HS6ST3: variants seen among roughly 807,000 people sequenced by gnomAD.
HS6ST3 encodes the protein heparan sulfate 6-O-sulfotransferase 3, also known as heparan-sulfate 6-O-sulfotransferase 3.
HS6ST3 carries 12 observed loss-of-function variants against 36.7 expected under a neutral mutation model. The ratio of observed to expected loss-of-function variants is 0.33; its 90% CI spans 0.21 to 0.53. HS6ST3 has a LOEUF of 0.53. HS6ST3 is among the 20% of genes least tolerant of loss of function. HS6ST3 has a pLI of 0.95. For missense variants in HS6ST3, 584 were observed against 640.9 expected (o/e 0.91, Z 0.96); for synonymous variants, 240 against 257.5 (o/e 0.93, Z 0.65).
intron 1 of HS6ST3, among the ~76,000 whole-genome samples, chr13:96,172,018 A>G (rs1245681247): frequency 1.3e-5 from 2 of 152,206 alleles, no homozygotes; most frequent in Non-Finnish European, 1.5e-5. Context: ...GCCCTGCACA[A>G]CTTCACAAAC....
intron 1 of HS6ST3, among the ~76,000 whole-genome samples, chr13:96,686,057 C>T (rs1038412737): frequency 5.9e-5 from 9 of 151,962 alleles, no homozygotes; most frequent in African/African-American, 1.7e-4. Context: ...CCACTGGAAA[C>T]GTAACCCATC....
intron 1 of HS6ST3, among the ~76,000 whole-genome samples, chr13:96,465,547 T>C (rs2055808189): frequency 6.6e-6 from 1 of 152,062 alleles, no homozygotes; most frequent in African/African-American, 2.4e-5. Context: ...TTTAAATACA[T>C]TACTTAAGGA....
At chr13:96,094,396 C>T (rs2053780017) in intron 1 of HS6ST3, among the ~76,000 whole-genome samples, 2 of 152,090 alleles carry the variant, frequency 1.3e-5, no homozygotes, top group African/African-American at 4.8e-5. Flanking sequence ...CCATGAGGTC[C>T]GTTTCTTAGA....
chr13:96,479,855 T>G (rs2055881856), intron 1 of HS6ST3, among the ~76,000 whole-genome samples: 1 of 152,104 alleles, frequency 6.6e-6, no homozygotes, highest in Non-Finnish European at 1.5e-5. Flanking sequence ...ACCTTCATCT[T>G]AGTAGGAGAA....
intron 1 of HS6ST3, among the ~76,000 whole-genome samples, chr13:96,215,673 AT>A (rs931769167): frequency 0.013 from 1,976 of 148,138 alleles, 44 homozygotes; most frequent in African/African-American, 0.047. Flanking sequence ...TTTTCCCTTT[AT>A]TTTTTTTTAT....
chr13:96,090,701 G>A lies in HS6ST3; in HGVS notation c.-162G>A. 1 of 326,700 alleles carries A rather than the reference G, an allele frequency of 3.1e-6. No homozygotes were observed. The highest frequency in any genetic ancestry group is 4.9e-6 in the Non-Finnish European group (1 of 204,522). 20.2% of individuals were successfully genotyped at this position (326,700 alleles called of 1,614,324 possible). A position where few individuals can be genotyped will look rare whatever the true frequency, so the allele number is the denominator to read the frequency against. ...AGGCCCCGGCTCCTCAAGCCCCGAG[G>A]GCCGCGGGGCCGCCAGCCAGCCACA... On this transcript the variant is annotated 5_prime_UTR_variant, in exon 1 of 2. Transcript: ENST00000376705.
chr13:96,677,733 A>T (rs1293693294), intron 1 of HS6ST3, among the ~76,000 whole-genome samples: 1 of 152,090 alleles, frequency 6.6e-6, no homozygotes, highest in East Asian at 1.9e-4. Flanking sequence ...TTATCTTATG[A>T]CATTGTGTAG....
intron 1 of HS6ST3, among the ~76,000 whole-genome samples, chr13:96,647,521 T>C (rs2056592942): frequency 6.6e-6 from 1 of 152,034 alleles, no homozygotes; most frequent in South Asian, 2.1e-4. Context: ...TTGTACCAAA[T>C]GTCACCTGGA....
chr13:96,093,461 T>C (rs769254452), intron 1 of HS6ST3, among the ~76,000 whole-genome samples: 5 of 152,314 alleles, frequency 3.3e-5, no homozygotes, highest in African/African-American at 4.8e-5. Context: ...ATATGATTTC[T>C]AGTGTATGAT....
At chr13:96,735,282 C>T (rs1594848091) in intron 1 of HS6ST3, among the ~76,000 whole-genome samples, 1 of 150,700 alleles carries the variant, frequency 6.6e-6, no homozygotes, top group East Asian at 1.9e-4. Context: ...ATTTTATAAA[C>T]CTAAGAAGAG....
intron 1 of HS6ST3, among the ~76,000 whole-genome samples, chr13:96,276,919 A>G (rs1411643746): frequency 5.3e-5 from 8 of 152,174 alleles, no homozygotes; most frequent in Admixed American, 5.2e-4. Context: ...GGTGACTTAA[A>G]CAACAGTCTT....
intron 1 of HS6ST3, among the ~76,000 whole-genome samples, chr13:96,408,571 TAGTC>T (rs1440659488): frequency 6.6e-6 from 1 of 152,140 alleles, no homozygotes; most frequent in African/African-American, 2.4e-5. Context: ...GAGAAGAAGA[TAGTC>T]AGATGGGGGT....
At chr13:96,431,344 G>T (rs1270042411) in intron 1 of HS6ST3, among the ~76,000 whole-genome samples, 1 of 151,982 alleles carries the variant, frequency 6.6e-6, no homozygotes, top group Admixed American at 6.6e-5. Flanking sequence ...TTCCTCTTTC[G>T]TTCCCTCCTC....
At position 96,169,841 on chromosome 13, in the gene HS6ST3, C is replaced by T. The variant is rs1419491873; in HGVS notation, c.707+78272C>T. ...CCGCCTGGACAACATAGCAAGACCC[C>T]GTGTCTTAACAAACAAACAAAAATA... On this transcript the variant is annotated intron_variant, in intron 1 of 1. Coordinates refer to ENST00000376705, the MANE Select transcript of HS6ST3 (RefSeq NM_153456.4). 3 of 152,288 alleles carry T rather than the reference C, an allele frequency of 2.0e-5. No homozygotes were observed. The East Asian group carries it at 5.8e-4, about 29-fold the overall frequency. The allele number at this position is 152,288 out of a possible 1,614,324, so 9.4% of individuals were successfully genotyped here. A position where few individuals can be genotyped will look rare whatever the true frequency, so the allele number is the denominator to read the frequency against.
intron 1 of HS6ST3, among the ~76,000 whole-genome samples, chr13:96,757,304 G>A (rs996177718): frequency 6.6e-6 from 1 of 152,158 alleles, no homozygotes; most frequent in Non-Finnish European, 1.5e-5. Flanking sequence ...CATAGCAATA[G>A]TGAATTACAT....
chr13:96,278,632 T>A (rs2054759975), intron 1 of HS6ST3, among the ~76,000 whole-genome samples: 1 of 152,202 alleles, frequency 6.6e-6, no homozygotes, highest in Non-Finnish European at 1.5e-5. Flanking sequence ...GAATCAATAA[T>A]TTCTTTTGAA....
intron 1 of HS6ST3, among the ~76,000 whole-genome samples, chr13:96,597,582 T>A (rs988876197): frequency 1.3e-5 from 2 of 152,068 alleles, no homozygotes; most frequent in Non-Finnish European, 2.9e-5. Context: ...ATTCTGGATA[T>A]TATTTCTTTC....
chr13:96,109,382 A>G (rs115170469), intron 1 of HS6ST3, among the ~76,000 whole-genome samples: 212 of 152,318 alleles, frequency 1.4e-3, no homozygotes, highest in African/African-American at 4.6e-3. Context: ...CACGTTCATA[A>G]AAATGGGTTA....
rs116422561 is a variant in HS6ST3, at chr13:96,101,488, C to A, written c.707+9919C>A. Among the ~76,000 whole-genome samples, 1,397 of 151,956 alleles carry A rather than the reference C, an allele frequency of 9.2e-3. 26 individuals are homozygous for A. Among genetic ancestry groups the A allele is most frequent in the African/African-American group, 0.032 (1,340 of 41,422 alleles). On this transcript the variant is annotated intron_variant, in intron 1 of 1. Coordinates refer to ENST00000376705, the MANE Select transcript of HS6ST3 (RefSeq NM_153456.4). ...ATGTTGAAAGTACACATGCATGTAC[C>A]TTTTGGTGCAAAATATTATGAAAAG...
Sources: allele counts gnomAD v4.1 joint callset (sites outside exome capture counted in the v4.1 genomes callset), GRCh38; gene constraint gnomAD v4.1.1; transcripts MANE v1.5; gene names NCBI Gene and HGNC (gene_info 2026-07-23, HGNC 2026-07-21).